GPHN: variants seen among roughly 807,000 people sequenced by gnomAD.
The protein encoded by GPHN is gephyrin.
GPHN carries 17 observed loss-of-function variants against 95.5 expected under a neutral mutation model. The observed-to-expected ratio is 0.18, with a 90% CI of 0.12 to 0.27. GPHN has a LOEUF of 0.27. Among genes scored for constraint, GPHN ranks in the 10% least tolerant of loss-of-function variants. The pLI is 1.00. For synonymous variants in GPHN, 320 were observed against 322.5 expected (o/e 0.99, Z 0.08); for missense variants, 660 against 978.1 (o/e 0.67, Z 4.34).
At chr14:67,719,924 T>C in the GPHN span, among the ~76,000 whole-genome samples, 2 of 152,214 alleles carry the variant, frequency 1.3e-5, no homozygotes, top group African/African-American at 4.8e-5. Context: ...TAATATACAA[T>C]GCTATAATGG....
intron 1 of GPHN, among the ~76,000 whole-genome samples, chr14:66,650,706 T>C (rs2065001361): frequency 6.6e-6 from 1 of 152,224 alleles, no homozygotes; most frequent in African/African-American, 2.4e-5. Flanking sequence ...GGAAATGTTT[T>C]GTGTGCTTTT....
chr14:67,514,821 C>A, the GPHN span, among the ~76,000 whole-genome samples: 1 of 152,182 alleles, frequency 6.6e-6, no homozygotes, highest in Non-Finnish European at 1.5e-5. Context: ...CCCCAACACG[C>A]CCCCCTGTGC....
chr14:66,766,580 A>G (rs1239074700), intron 2 of GPHN, among the ~76,000 whole-genome samples: 1 of 152,120 alleles, frequency 6.6e-6, no homozygotes, highest in Non-Finnish European at 1.5e-5. Context: ...AACCTAAGAT[A>G]CGTATGGCAC....
In GPHN at chr14:67,122,384, A is replaced by G. The variant is rs765730544; in HGVS notation, c.1748+7A>G. ...TGGGTATTGTAGGAGACAAGTAAGT[A>G]TTTGATGTCATTCTGAAAAGTTTGT... On this transcript the variant is annotated splice_region_variant and intron_variant, in intron 17 of 22. Transcript: ENST00000478722. 1.6e-5 allele frequency: 26 copies of G among 1,611,652 alleles called. No individual in the cohort carries two copies. Among genetic ancestry groups the G allele is most frequent in the Non-Finnish European group, 2.2e-5 (26 of 1,177,880 alleles).
At chr14:67,361,671 T>C in the GPHN span, among the ~76,000 whole-genome samples, 2 of 152,264 alleles carry the variant, frequency 1.3e-5, no homozygotes, top group African/African-American at 4.8e-5. Context: ...TAACTGACTA[T>C]GCAGGGTATT....
chr14:66,657,981 C>G (rs1033178876), intron 1 of GPHN, among the ~76,000 whole-genome samples: 1 of 152,038 alleles, frequency 6.6e-6, no homozygotes, highest in African/African-American at 2.4e-5. Flanking sequence ...TAGACCTGGG[C>G]AAAGTAATTT....
At chr14:67,720,250 T>C in the GPHN span, among the ~76,000 whole-genome samples, 3 of 152,222 alleles carry the variant, frequency 2.0e-5, no homozygotes, top group Non-Finnish European at 2.9e-5. Context: ...CTTTTCTTAC[T>C]GATTTGTAAG....
the GPHN span, among the ~76,000 whole-genome samples, chr14:67,292,277 T>C: frequency 1.3e-5 from 2 of 152,200 alleles, no homozygotes; most frequent in African/African-American, 4.8e-5. Flanking sequence ...TGAATGTGTA[T>C]TAGTTTTATA....
At chr14:67,442,279 T>A in the GPHN span, among the ~76,000 whole-genome samples, 1 of 152,196 alleles carries the variant, frequency 6.6e-6, no homozygotes, top group Admixed American at 6.5e-5. Context: ...AACCAAGGGG[T>A]ACACATTGCT....
intron 8 of GPHN, among the ~76,000 whole-genome samples, chr14:66,943,893 A>G (rs1419383657): frequency 6.6e-6 from 1 of 152,192 alleles, no homozygotes; most frequent in Non-Finnish European, 1.5e-5. Context: ...ATAAACAGGC[A>G]TAGATGGGGC....
chr14:66,617,080 C>T (rs986422228), intron 1 of GPHN, among the ~76,000 whole-genome samples: 15 of 152,108 alleles, frequency 9.9e-5, no homozygotes, highest in African/African-American at 3.4e-4. Context: ...TTGGGGGAAG[C>T]ACGTTGTCTG....
At chr14:67,581,273 T>TGC in the GPHN span, among the ~76,000 whole-genome samples, 4 of 119,934 alleles carry the variant, frequency 3.3e-5, no homozygotes, top group Admixed American at 3.3e-4. Flanking sequence ...TGTGTGTATA[T>TGC]GCACACACAC....
At chr14:66,655,484 TC>T (rs1453741247) in intron 1 of GPHN, among the ~76,000 whole-genome samples, 2 of 152,084 alleles carry the variant, frequency 1.3e-5, no homozygotes, top group Non-Finnish European at 2.9e-5. Context: ...ACTCCCTTAT[TC>T]TAGGAGTTTT....
chr14:67,303,002 A>G, the GPHN span, among the ~76,000 whole-genome samples: 1 of 152,222 alleles, frequency 6.6e-6, no homozygotes. Flanking sequence ...AGTGTCCGGC[A>G]TAATAATCAC....
chr14:66,703,020 C>T lies in GPHN; in HGVS notation c.143+21835C>T, dbSNP rs191000588. ...CATACACAAGAATCAATAGCCGAAT[C>T]GACCAAGTGGAAGAAGGGATATCAG... On this transcript the variant is annotated intron_variant, in intron 2 of 22. Transcript: ENST00000478722. 2.4e-4 allele frequency among the ~76,000 whole-genome samples: 34 copies of T among 143,274 alleles called. 1 individual carries two copies. The highest frequency in any genetic ancestry group is 1.1e-3 in the Admixed American group (16 of 14,250). The allele number at this position is 143,274 out of a possible 152,430, so 94.0% of individuals were successfully genotyped here.
At chr14:67,107,780 C>G (rs2078130126) in intron 13 of GPHN, among the ~76,000 whole-genome samples, 1 of 152,160 alleles carries the variant, frequency 6.6e-6, no homozygotes, top group Non-Finnish European at 1.5e-5. Context: ...ACAGAAATGA[C>G]TCAACTCCCC....
chr14:67,408,354 T>TAAAAA, the GPHN span, among the ~76,000 whole-genome samples: 1 of 134,778 alleles, frequency 7.4e-6, no homozygotes, highest in Admixed American at 7.3e-5. Flanking sequence ...TAAAATAAAA[T>TAAAAA]AAAAAAAGAA....
At chr14:67,071,138 T>C (rs181614597) in intron 11 of GPHN, among the ~76,000 whole-genome samples, 147 of 152,276 alleles carry the variant, frequency 9.7e-4, no homozygotes, top group African/African-American at 3.3e-3. Context: ...ACTGGGCATA[T>C]ACCCAAAGGA....
chr14:67,324,865 A>G, the GPHN span, among the ~76,000 whole-genome samples: 2 of 148,164 alleles, frequency 1.3e-5, no homozygotes, highest in African/African-American at 5.0e-5. Context: ...CTTGGATTGC[A>G]GGTGTAAGCT....
Sources: allele counts gnomAD v4.1 joint callset (sites outside exome capture counted in the v4.1 genomes callset), GRCh38; gene constraint gnomAD v4.1.1; transcripts MANE v1.5; gene names NCBI Gene and HGNC (gene_info 2026-07-23, HGNC 2026-07-21).